The following CLSPN variants were observed in gnomAD, a reference collection of about 807,000 sequenced individuals.
CLSPN encodes claspin homolog.
Under a neutral mutation model 156.3 loss-of-function variants are expected in CLSPN, and 85 were observed. The ratio of observed to expected loss-of-function variants is 0.54; its 90% confidence interval spans 0.46 to 0.65. The LOEUF (loss-of-function observed/expected upper bound fraction) is 0.65, where lower values mean the gene tolerates loss of function less well. CLSPN is among the 30% of genes least tolerant of loss of function. CLSPN has a pLI of 0.00. For missense variants in CLSPN, 1,407 were observed against 1,554.9 expected (o/e 0.90, Z 1.60); for synonymous variants, 534 against 542.4 (o/e 0.98, Z 0.22).
downstream of CLSPN, among the ~76,000 whole-genome samples, chr1:35,729,319 G>A (rs111334198): frequency 7.9e-4 from 120 of 152,172 alleles, no homozygotes; most frequent in African/African-American, 2.4e-3. Flanking sequence ...CAAGAATTCC[G>A]CGGACTACGG....
chr1:35,761,693 A>C (rs1007068444), intron 6 of CLSPN, among the ~76,000 whole-genome samples: 1 of 152,186 alleles, frequency 6.6e-6, no homozygotes, highest in Non-Finnish European at 1.5e-5. Flanking sequence ...TGGCTGACAC[A>C]GGTAACCAAA....
At position 35,734,147 on chromosome 1, in the gene CLSPN, AC is replaced by A; in HGVS notation, c.*2348del. 1.0e-6 allele frequency: 1 copy of A among 985,384 alleles called. No individual in the cohort carries two copies. Among genetic ancestry groups the A allele is most frequent in the Non-Finnish European group, 1.2e-6 (1 of 829,918 alleles). 61.0% of individuals were successfully genotyped at this position (985,384 alleles called of 1,614,324 possible). A position where few individuals can be genotyped will look rare whatever the true frequency, so the allele number is the denominator to read the frequency against. On this transcript the variant is annotated 3_prime_UTR_variant, in exon 25 of 25. Coordinates refer to ENST00000318121, the MANE Select transcript of CLSPN (RefSeq NM_022111.4). ...CAATTGCAGCAGCTTCTCAGTTTAG[AC>A]CCAGAGGGTTTCCCTGGGATGGAGA... is the stretch of plus-strand genomic sequence containing the variant.
At chr1:35,726,099 C>T (rs71649788) in intron 24 of CLSPN, among the ~76,000 whole-genome samples, 4 of 125,528 alleles carry the variant, frequency 3.2e-5, no homozygotes, top group Non-Finnish European at 6.4e-5. Context: ...ATCTCACTCT[C>T]TCAAAGCTTT....
chr1:35,768,919 C>T (rs1264865234), intron 1 of CLSPN, among the ~76,000 whole-genome samples: 1 of 152,062 alleles, frequency 6.6e-6, no homozygotes, highest in Non-Finnish European at 1.5e-5. Context: ...AAATGAATAA[C>T]ATTAATGCAA....
chr1:35,760,749 G>A lies in CLSPN; in HGVS notation c.1172C>T (p.Thr391Ile), dbSNP rs764893931. The change falls in exon 8 of 25, where the codon ACT becomes ATT. Residue 391 changes from threonine (T) to isoleucine (I), a missense_variant. Thr to Ile is a moderately conservative substitution (Grantham distance 89). Around this residue, in one of 3 missense-constraint regions of CLSPN, gnomAD observed 1,096 missense variants for 1,193.0 expected, o/e 0.92. Coordinates refer to ENST00000318121, the MANE Select transcript of CLSPN (RefSeq NM_022111.4). ...PVVSKETQII[T>I]GSDESCRKDL... ...CTTCCTGCAAGACTCATCTGATCCA[G>A]TAATGATCTGGGTTTCCTTTGAAAC... The A allele has an allele frequency of 1.9e-6, 3 of 1,613,914 alleles. No homozygotes were observed. The highest frequency in any genetic ancestry group is 2.2e-5 in the South Asian group (2 of 91,086).
At chr1:35,751,636 G>A (rs1422603027) in intron 9 of CLSPN, 130 bp from the exon 10 acceptor site, 3 of 1,212,580 alleles carry the variant, frequency 2.5e-6, no homozygotes, top group African/African-American at 3.1e-5. Flanking sequence ...GGGCTTTTTT[G>A]TTATTTGAAC....
rs749845854 is a variant in CLSPN, at chr1:35,761,994, T to G, written c.895+4A>C. On this transcript the variant is annotated splice_donor_region_variant and intron_variant, in intron 6 of 24. Transcript: ENST00000318121. ...TTGCCTCAAAGTTTACTGGGTTGCA[T>G]TACCTCGAATAAGGCGCTGAGTCTC... The G allele has an allele frequency of 1.2e-6, 2 of 1,607,602 alleles. No homozygotes were observed. Among genetic ancestry groups the G allele is most frequent in the Non-Finnish European group, 1.7e-6 (2 of 1,174,960 alleles).
intron 19 of CLSPN, 51 bp downstream of exon 19, chr1:35,739,314 C>G (rs1641606530): frequency 6.2e-7 from 1 of 1,613,678 alleles, no homozygotes; most frequent in Admixed American, 1.7e-5. Context: ...GGTTACAGGG[C>G]TTGTCTTAAG....
chr1:35,728,111 T>TCTCA (rs1367702106), downstream of CLSPN, among the ~76,000 whole-genome samples: 47 of 138,976 alleles, frequency 3.4e-4, no homozygotes, highest in Middle Eastern at 4.0e-3. Flanking sequence ...TTTGAGGCAG[T>TCTCA]CTCACTCTGT....
Position 35,760,907 on chromosome 1 carries a change from T to C in CLSPN, c.1014A>G (p.Lys338=), listed in dbSNP as rs72902919. ...GNAMALLKSS[K]YQSSHHKEII... Reference sequence around the variant, plus strand: ...TTTCTTTGTGATGGCTTGACTGATATTTAGATGACCTAGAGAAGAGAAATT... The same window carrying C: ...TTTCTTTGTGATGGCTTGACTGATACTTAGATGACCTAGAGAAGAGAAATT... Residue 338 remains lysine (K), a synonymous_variant, in exon 8 of 25, where the codon AAA becomes AAG. Coordinates refer to ENST00000318121, the MANE Select transcript of CLSPN (RefSeq NM_022111.4). 3.2e-4 allele frequency: 512 copies of C among 1,608,110 alleles called. 3 individuals carry two copies. The African/African-American group carries it at 6.0e-3, about 19-fold the overall frequency.
At position 35,769,927 on chromosome 1, in the gene CLSPN, C is replaced by T; in HGVS notation, c.-57G>A. On this transcript the variant is annotated 5_prime_UTR_variant, in exon 1 of 25. Transcript: ENST00000318121. Reference sequence around the variant, plus strand: ...CGGAGCTGTCTCTGATTCCCTCAGCCGGAGAGCAGCGGCTCCCGCCGTCTC... The same window carrying T: ...CGGAGCTGTCTCTGATTCCCTCAGCTGGAGAGCAGCGGCTCCCGCCGTCTC... The T allele has an allele frequency of 6.3e-7, 1 of 1,591,484 alleles. No individual in the cohort carries two copies. Among genetic ancestry groups the T allele is most frequent in the South Asian group, 1.1e-5 (1 of 89,044 alleles).
At position 35,751,495 on chromosome 1, in the gene CLSPN, G is replaced by T. The variant is rs941979849; in HGVS notation, c.1783C>A (p.Gln595Lys). 6.2e-7 allele frequency: 1 copy of T among 1,613,152 alleles called. No individual in the cohort carries two copies. The highest frequency in any genetic ancestry group is 8.5e-7 in the Non-Finnish European group (1 of 1,179,706). The change falls in exon 10 of 25, where the codon CAG becomes AAG. Residue 595 changes from glutamine (Q) to lysine (K), a missense_variant. Around this residue, in one of 3 missense-constraint regions of CLSPN, gnomAD observed 1,096 missense variants for 1,193.0 expected, o/e 0.92. Transcript: ENST00000318121. Reference protein sequence around the residue: ...ASHTKPGEKLQVLKAKLQEAM... With the variant: ...ASHTKPGEKLKVLKAKLQEAM... ...TCTTGCAGTTTAGCTTTTAACACCTGAAGCTTTTCACCTGAACAGAAATAT... is the reference window on the plus strand; with the variant it reads ...TCTTGCAGTTTAGCTTTTAACACCTTAAGCTTTTCACCTGAACAGAAATAT...
intron 16 of CLSPN, among the ~76,000 whole-genome samples, chr1:35,744,450 C>T (rs1475209358): frequency 1.3e-5 from 2 of 152,176 alleles, no homozygotes; most frequent in Middle Eastern, 3.4e-3. Flanking sequence ...TGCCGGCACA[C>T]GCCTAGCTAA....
In CLSPN at chr1:35,762,398, C is replaced by T. The variant is rs1642510851; in HGVS notation, c.822+6G>A. ...AGTGTGACTAATATACAGGGCTCTA[C>T]CTCACCTTCCTCGTGGTTCCTTTTG... is the stretch of plus-strand genomic sequence containing the variant. On this transcript the variant is annotated splice_donor_region_variant and intron_variant, in intron 5 of 24. Coordinates refer to ENST00000318121, the MANE Select transcript of CLSPN (RefSeq NM_022111.4). 6.2e-7 allele frequency: 1 copy of T among 1,610,826 alleles called. No homozygotes were observed. The highest frequency in any genetic ancestry group is 8.5e-7 in the Non-Finnish European group (1 of 1,177,076).
Position 35,738,113 on chromosome 1 carries a change from AATATATATAT to A in CLSPN, c.3559-26_3559-17del, listed in dbSNP as rs200967861. The A allele has an allele frequency of 8.1e-4, 293 of 362,488 alleles. 1 individual carries two copies. Among genetic ancestry groups the A allele is most frequent in the East Asian group, 4.4e-3 (51 of 11,544 alleles). The allele number at this position is 362,488 out of a possible 1,614,324, so 22.5% of individuals were successfully genotyped here. ...CCTGCTGTGCCTGAAAAAAAAAAAA[AATATATATAT>A]ATATATATATATATATACAGCATTA... On this transcript the variant is annotated splice_polypyrimidine_tract_variant and intron_variant, in intron 21 of 24. Transcript: ENST00000318121.
At chr1:35,720,988 G>A (rs752088646) in intron 24 of CLSPN, 35 of 1,584,594 alleles carry the variant, frequency 2.2e-5, no homozygotes, top group African/African-American at 2.7e-5. Flanking sequence ...CTTCTGAAAC[G>A]AAATTAAAGG....
chr1:35,740,134 A>C (rs763583004), intron 18 of CLSPN, among the ~76,000 whole-genome samples: 5 of 152,234 alleles, frequency 3.3e-5, no homozygotes, highest in Non-Finnish European at 7.3e-5. Flanking sequence ...ATTTGAGCAC[A>C]CCAGCTTTAA....
chr1:35,769,706 G>GCGGGAGCCGGCGCGGCGAACGC, intron 1 of CLSPN, 141 bp downstream of exon 1: 1 of 716,458 alleles, frequency 1.4e-6, no homozygotes, highest in Non-Finnish European at 2.1e-6. Flanking sequence ...TCTCGAGGCC[G>GCGGGAGCCGGCGCGGCGAACGC]CGGGAGCCGG....
rs760822718 is a variant in CLSPN, at chr1:35,738,623, A to G, written c.3431-41T>C. On this transcript the variant is annotated intron_variant, in intron 20 of 24. Transcript: ENST00000318121. ...AGGTAATCAGCATTCGGCAGTCCTC[A>G]CAGGAGAGGGTGCTTGGACAGACAA... 10 of 1,610,186 alleles carry G rather than the reference A, an allele frequency of 6.2e-6. No individual in the cohort carries two copies. The East Asian group carries it at 2.2e-4, about 36-fold the overall frequency.
Sources: gnomAD v4.1 joint callset for allele counts (sites outside exome capture counted in the v4.1 genomes callset) on GRCh38, gnomAD v4.1.1 for gene constraint, gnomAD v4.1.1 regional missense constraint, MANE v1.5 for transcripts, NCBI Gene and HGNC (gene_info 2026-07-23, HGNC 2026-07-21) for gene names.